The following MVB12B variants were observed in gnomAD, a reference collection of about 807,000 sequenced individuals.
MVB12B encodes ESCRT-I complex subunit MVB12B.
A neutral mutation model predicts 41.6 loss-of-function variants in MVB12B; 16 were observed. The observed-to-expected ratio is 0.38, with a 90% CI of 0.26 to 0.58. MVB12B has a LOEUF of 0.58. MVB12B is among the 20% of genes least tolerant of loss of function. MVB12B has a pLI of 0.62. For missense variants in MVB12B, 274 were observed against 380.2 expected (o/e 0.72, Z 2.32); for synonymous variants, 133 against 139.7 (o/e 0.95, Z 0.34).
At chr9:126,498,461 A>G (rs28650080) in intron 9 of MVB12B, among the ~76,000 whole-genome samples, 43,238 of 152,142 alleles carry the variant, frequency 0.28, 7,942 homozygotes, top group African/African-American at 0.52. Flanking sequence ...CACCTGGCCC[A>G]GCCCCTGCCC....
chr9:126,385,582 C>T (rs1373667796), intron 3 of MVB12B, among the ~76,000 whole-genome samples: 3 of 152,188 alleles, frequency 2.0e-5, no homozygotes, highest in African/African-American at 7.2e-5. Context: ...GGATGCTGAA[C>T]AAGTAAACAG....
At chr9:126,469,442 A>G (rs1833268635) in intron 7 of MVB12B, among the ~76,000 whole-genome samples, 1 of 152,204 alleles carries the variant, frequency 6.6e-6, no homozygotes, top group Non-Finnish European at 1.5e-5. Flanking sequence ...TGGTTTTGAG[A>G]AGGTAAAAAG....
intron 7 of MVB12B, among the ~76,000 whole-genome samples, chr9:126,425,726 T>C (rs1201319296): frequency 6.6e-6 from 1 of 152,246 alleles, no homozygotes; most frequent in Non-Finnish European, 1.5e-5. Context: ...CCTCTGGATG[T>C]GGACTGGGCA....
At chr9:126,465,986 A>G (rs1040578467) in intron 7 of MVB12B, among the ~76,000 whole-genome samples, 1 of 152,242 alleles carries the variant, frequency 6.6e-6, no homozygotes, top group Non-Finnish European at 1.5e-5. Flanking sequence ...GTATAAAGAT[A>G]CAAAGAGAGC....
chr9:126,427,375 C>T (rs1278792325), intron 7 of MVB12B, among the ~76,000 whole-genome samples: 2 of 152,038 alleles, frequency 1.3e-5, no homozygotes, highest in African/African-American at 4.8e-5. Context: ...CTTCCCTGAC[C>T]CCCTGCCCAA....
intron 7 of MVB12B, among the ~76,000 whole-genome samples, chr9:126,462,365 G>A (rs376124253): frequency 5.3e-5 from 8 of 152,170 alleles, no homozygotes; most frequent in Non-Finnish European, 1.2e-4. Flanking sequence ...TTCCGTGCCC[G>A]CATGAGGTTC....
Position 126,498,404 on chromosome 9 carries a change from C to T in MVB12B, c.874-4773C>T, listed in dbSNP as rs111903411. Among the ~76,000 whole-genome samples, 26 of 152,356 alleles carry T rather than the reference C, an allele frequency of 1.7e-4. No individual in the cohort carries two copies. In the South Asian group the frequency reaches 3.1e-3, roughly 18 times the overall value. On this transcript the variant is annotated intron_variant, in intron 9 of 9. Transcript: ENST00000361171. ...CTGTCCACCCCTGCACCAGACTCTT[C>T]TCGTTGGCCCCAGCCTTGGCCCCTT...
chr9:126,402,084 A>G (rs896293400), intron 6 of MVB12B, among the ~76,000 whole-genome samples: 17 of 152,256 alleles, frequency 1.1e-4, no homozygotes, highest in Admixed American at 3.3e-4. Flanking sequence ...TGCTGGAGGC[A>G]TTTGCCTGTG....
At chr9:126,354,038 T>C (rs1428448974) in intron 2 of MVB12B, among the ~76,000 whole-genome samples, 2 of 152,226 alleles carry the variant, frequency 1.3e-5, no homozygotes, top group African/African-American at 2.4e-5. Context: ...TTATTACTTT[T>C]CAAAACTAGG....
intron 2 of MVB12B, among the ~76,000 whole-genome samples, chr9:126,341,544 A>G (rs1160694723): frequency 2.0e-5 from 3 of 152,264 alleles, no homozygotes; most frequent in African/African-American, 7.2e-5. Flanking sequence ...TCCCACAGCA[A>G]TTAGAATAGT....
rs767658868 is a variant in MVB12B, at chr9:126,421,903, C to T, written c.712C>T (p.Arg238Trp). Residue 238 changes from arginine (R) to tryptophan (W), a missense_variant, in exon 7 of 10, where the codon CGG (arginine) becomes TGG (tryptophan). By Grantham distance (101) the Arg-to-Trp change is moderately radical (BLOSUM62 -3). Transcript: ENST00000361171. ...CACCTTCCGAGGCAGGAACAGCACC[C>T]GGACGGACTACGAGTACCAGCACTC... ...PATFRGRNSTRTDYEYQHSNL... is the reference protein window; with the variant it reads ...PATFRGRNSTWTDYEYQHSNL... The T allele has an allele frequency of 6.2e-6, 10 of 1,614,048 alleles. No individual in the cohort carries two copies. The highest frequency in any genetic ancestry group is 1.6e-4 in the Middle Eastern group (1 of 6,062).
chr9:126,403,796 T>C (rs1302051336), intron 6 of MVB12B, among the ~76,000 whole-genome samples: 1 of 152,178 alleles, frequency 6.6e-6, no homozygotes, highest in Non-Finnish European at 1.5e-5. Flanking sequence ...AAAGTATTTA[T>C]TGGATGCAGA....
intron 6 of MVB12B, among the ~76,000 whole-genome samples, chr9:126,419,171 A>C (rs1331605854): frequency 1.3e-5 from 2 of 152,130 alleles, no homozygotes; most frequent in Non-Finnish European, 2.9e-5. Flanking sequence ...GCACTGCACA[A>C]ATCGCTCTGC....
At chr9:126,410,982 G>C (rs1831632509) in intron 6 of MVB12B, among the ~76,000 whole-genome samples, 1 of 150,684 alleles carries the variant, frequency 6.6e-6, no homozygotes, top group African/African-American at 2.4e-5. Context: ...CCACCTCCCA[G>C]GTTCAAGCAA....
intron 6 of MVB12B, among the ~76,000 whole-genome samples, chr9:126,421,199 C>G (rs1832006218): frequency 1.3e-5 from 2 of 152,224 alleles, no homozygotes; most frequent in South Asian, 4.1e-4. Flanking sequence ...TCTTTGTGAG[C>G]TTTAATGACT....
chr9:126,443,970 G>A (rs1832706365), intron 7 of MVB12B, among the ~76,000 whole-genome samples: 1 of 152,216 alleles, frequency 6.6e-6, no homozygotes, highest in African/African-American at 2.4e-5. Flanking sequence ...GTGTCTCTCA[G>A]CATAATATTT....
chr9:126,361,076 T>C (rs1331241197), intron 2 of MVB12B, among the ~76,000 whole-genome samples: 8 of 152,232 alleles, frequency 5.3e-5, no homozygotes, highest in Admixed American at 3.9e-4. Flanking sequence ...ATTGATGTGG[T>C]TGGGTTTAAA....
chr9:126,482,478 C>T (rs192967764), intron 8 of MVB12B, among the ~76,000 whole-genome samples: 2 of 152,160 alleles, frequency 1.3e-5, no homozygotes, highest in Non-Finnish European at 2.9e-5. Flanking sequence ...ACATGCGGAG[C>T]TCCAGGAACT....
At chr9:126,485,438 T>C (rs1833599779) in intron 9 of MVB12B, among the ~76,000 whole-genome samples, 1 of 45,270 alleles carries the variant, frequency 2.2e-5, no homozygotes, top group Non-Finnish European at 4.2e-5. Context: ...CTGTGCTTCA[T>C]GAGGTCAGGG....
Sources: allele counts gnomAD v4.1 joint callset (sites outside exome capture counted in the v4.1 genomes callset), GRCh38; gene constraint gnomAD v4.1.1; transcripts MANE v1.5; gene names NCBI Gene and HGNC (gene_info 2026-07-23, HGNC 2026-07-21).